KAT6B: variants seen among roughly 807,000 people sequenced by gnomAD.
KAT6B encodes the protein lysine acetyltransferase 6B, also known as histone acetyltransferase KAT6B.
In KAT6B, 10 loss-of-function variants were observed where a neutral mutation model predicts 187.5. That is an observed-to-expected ratio of 0.05 (90% CI 0.03 to 0.09). The LOEUF (loss-of-function observed/expected upper bound fraction) is 0.09. KAT6B is among the 10% of genes least tolerant of loss of function. The pLI is 1.00. For synonymous variants in KAT6B, 861 were observed against 926.8 expected (o/e 0.93, Z 1.29); for missense variants, 1,952 against 2,558.9 (o/e 0.76, Z 5.12).
At chr10:74,834,739 C>T (rs921377743) in intron 1 of KAT6B, among the ~76,000 whole-genome samples, 3 of 152,208 alleles carry the variant, frequency 2.0e-5, no homozygotes, top group South Asian at 4.1e-4. Context: ...AGGCTTGTCT[C>T]GAGCTCCTGG....
At chr10:75,002,736 T>C (rs1263961391) in intron 13 of KAT6B, among the ~76,000 whole-genome samples, 2 of 152,266 alleles carry the variant, frequency 1.3e-5, no homozygotes, top group African/African-American at 2.4e-5. Context: ...AATATGCTGT[T>C]ATAATCTTAT....
intron 1 of KAT6B, 35 bp from the exon 2 acceptor site, chr10:74,838,648 T>C (rs369438722): frequency 2.6e-4 from 39 of 152,390 alleles, no homozygotes; most frequent in African/African-American, 9.1e-4. Flanking sequence ...GATGTCCTTA[T>C]GTCCAAATGA....
At chr10:74,851,138 T>A (rs1418038298) in intron 3 of KAT6B, among the ~76,000 whole-genome samples, 1 of 152,006 alleles carries the variant, frequency 6.6e-6, no homozygotes, top group Non-Finnish European at 1.5e-5. Context: ...TACAGAGTCT[T>A]GCTCTGTTGC....
At chr10:74,907,938 A>G (rs913239684) in intron 3 of KAT6B, among the ~76,000 whole-genome samples, 1 of 152,208 alleles carries the variant, frequency 6.6e-6, no homozygotes, top group Non-Finnish European at 1.5e-5. Context: ...TTACATTGAA[A>G]TGTAATCCCC....
At position 74,994,927 on chromosome 10, in the gene KAT6B, C is replaced by T. The variant is rs1843334672; in HGVS notation, c.2629+5815C>T. 2.0e-5 allele frequency among the ~76,000 whole-genome samples: 3 copies of T among 152,210 alleles called. No individual in the cohort carries two copies. In the South Asian group the frequency reaches 6.2e-4, roughly 32 times the overall value. On this transcript the variant is annotated intron_variant, in intron 13 of 17. Transcript: ENST00000287239. Reference sequence around the variant, plus strand: ...GCTAGGATAGCATGCATATTTATATCCATGTATGTGCACATATACATATGG... The same window carrying T: ...GCTAGGATAGCATGCATATTTATATTCATGTATGTGCACATATACATATGG...
chr10:74,974,734 C>T (rs1380419515), intron 7 of KAT6B, among the ~76,000 whole-genome samples: 1 of 152,174 alleles, frequency 6.6e-6, no homozygotes, highest in Non-Finnish European at 1.5e-5. Flanking sequence ...TTTCTTTAAT[C>T]ATTTCTTCAG....
chr10:74,837,734 T>C (rs1366239309), intron 1 of KAT6B, among the ~76,000 whole-genome samples: 1 of 152,208 alleles, frequency 6.6e-6, no homozygotes, highest in Non-Finnish European at 1.5e-5. Flanking sequence ...CAAATCAGCC[T>C]AAGATTAAAA....
At chr10:74,960,823 T>C (rs1028051585) in intron 4 of KAT6B, among the ~76,000 whole-genome samples, 1 of 152,194 alleles carries the variant, frequency 6.6e-6, no homozygotes, top group African/African-American at 2.4e-5. Context: ...CTATGGTAAG[T>C]GTACTACAAA....
intron 3 of KAT6B, among the ~76,000 whole-genome samples, chr10:74,940,193 G>C (rs188775442): frequency 3.4e-4 from 52 of 151,754 alleles, no homozygotes; most frequent in Admixed American, 2.8e-3. Context: ...CCATGTGTAT[G>C]TATACATTAA....
At chr10:74,957,125 CTGAT>C (rs1278345402) in intron 3 of KAT6B, among the ~76,000 whole-genome samples, 3 of 152,084 alleles carry the variant, frequency 2.0e-5, no homozygotes, top group Non-Finnish European at 4.4e-5. Context: ...TATATGTAGT[CTGAT>C]TGAGAACAGT....
chr10:75,022,066 T>TGAA lies in KAT6B; in HGVS notation c.3216_3218dup (p.Glu1076dup), dbSNP rs765976563. 3.1e-6 allele frequency: 5 copies of TGAA among 1,610,754 alleles called. No homozygotes were observed. The highest frequency in any genetic ancestry group is 2.7e-5 in the African/African-American group (2 of 73,780). ...TGCTGGAGCTGTCTAAAGAGAGCAGTGAAGAAGAAGAGGAGGAGGAGGACG... is the reference window on the plus strand; with the variant it reads ...TGCTGGAGCTGTCTAAAGAGAGCAGTGAAGAAGAAGAAGAGGAGGAGGAGGACG... On this transcript the variant is annotated inframe_insertion, in exon 16 of 18. Transcript: ENST00000287239.
At chr10:75,007,555 G>A (rs1163593518) in intron 13 of KAT6B, among the ~76,000 whole-genome samples, 1 of 152,156 alleles carries the variant, frequency 6.6e-6, no homozygotes, top group African/African-American at 2.4e-5. Context: ...AGTCAGGATA[G>A]TGGTTACTTA....
intron 3 of KAT6B, among the ~76,000 whole-genome samples, chr10:74,883,454 T>G (rs1158507331): frequency 6.6e-6 from 1 of 152,186 alleles, no homozygotes; most frequent in African/African-American, 2.4e-5. Context: ...AGGTCCCAGT[T>G]GTTGGCTGCC....
In KAT6B at chr10:74,911,293, C is replaced by A. The variant is rs545354923; in HGVS notation, c.622-48677C>A. ...TTTTCTTTTTTTTTTTTTTTTGAGACTAAGTATTGCTCTGTAGCCCAGGCT... is the reference window on the plus strand; with the variant it reads ...TTTTCTTTTTTTTTTTTTTTTGAGAATAAGTATTGCTCTGTAGCCCAGGCT... On this transcript the variant is annotated intron_variant, in intron 3 of 17. Coordinates refer to ENST00000287239, the MANE Select transcript of KAT6B (RefSeq NM_012330.4). Among the ~76,000 whole-genome samples, 8 of 142,820 alleles carry A rather than the reference C, an allele frequency of 5.6e-5. No individual in the cohort carries two copies. The South Asian group carries it at 1.7e-3, about 31-fold the overall frequency. 93.7% of individuals were successfully genotyped at this position (142,820 alleles called of 152,430 possible).
At chr10:74,903,184 T>A (rs1846521977) in intron 3 of KAT6B, among the ~76,000 whole-genome samples, 1 of 152,158 alleles carries the variant, frequency 6.6e-6, no homozygotes, top group Non-Finnish European at 1.5e-5. Context: ...ATTCATTACC[T>A]TGTCGGATTG....
chr10:74,893,776 A>G (rs1446065107), intron 3 of KAT6B, among the ~76,000 whole-genome samples: 1 of 150,914 alleles, frequency 6.6e-6, no homozygotes, highest in Non-Finnish European at 1.5e-5. Flanking sequence ...AGCCAAAATT[A>G]GTGGTTTTAA....
At chr10:74,845,222 AAG>A (rs1458287581) in intron 3 of KAT6B, among the ~76,000 whole-genome samples, 1 of 149,552 alleles carries the variant, frequency 6.7e-6, no homozygotes. Context: ...AAGATAAAGA[AAG>A]GAAGAAAGAA....
At chr10:75,002,632 C>T (rs948900257) in intron 13 of KAT6B, among the ~76,000 whole-genome samples, 9 of 151,796 alleles carry the variant, frequency 5.9e-5, no homozygotes, top group African/African-American at 2.2e-4. Flanking sequence ...ACCTGGACAG[C>T]AGTTACTGTA....
At chr10:74,993,222 G>C (rs1339227495) in intron 13 of KAT6B, among the ~76,000 whole-genome samples, 2 of 152,190 alleles carry the variant, frequency 1.3e-5, no homozygotes, top group South Asian at 2.1e-4. Flanking sequence ...GACTGCTTCT[G>C]CTGCTGGGGC....
Sources: allele counts gnomAD v4.1 joint callset (sites outside exome capture counted in the v4.1 genomes callset), GRCh38; gene constraint gnomAD v4.1.1; transcripts MANE v1.5; gene names NCBI Gene and HGNC (gene_info 2026-07-23, HGNC 2026-07-21).